STX8: variants seen among roughly 807,000 people sequenced by gnomAD.
The protein encoded by STX8 is syntaxin-8.
In STX8, 23 loss-of-function variants were observed where a neutral mutation model predicts 37.5. The observed-to-expected ratio is 0.61, with a 90% CI of 0.44 to 0.87. The LOEUF is 0.87. Ranked by LOEUF, STX8 falls within the 40% of genes least tolerant of loss-of-function variation. STX8 has a pLI of 0.00. For synonymous variants in STX8, 115 were observed against 99.1 expected (o/e 1.16, Z -0.95); for missense variants, 313 against 284.7 (o/e 1.10, Z -0.71).
intron 4 of STX8, among the ~76,000 whole-genome samples, chr17:9,514,231 G>A (rs1057125727): frequency 3.3e-5 from 5 of 152,166 alleles, no homozygotes; most frequent in Admixed American, 1.3e-4. Context: ...TAATTATCCT[G>A]ACTGGCTCAT....
chr17:9,392,838 G>C (rs1912270830), intron 6 of STX8, among the ~76,000 whole-genome samples: 2 of 152,138 alleles, frequency 1.3e-5, no homozygotes, highest in South Asian at 4.1e-4. Flanking sequence ...AAAATGAATA[G>C]AGCCTCAAGG....
intron 7 of STX8, among the ~76,000 whole-genome samples, chr17:9,361,066 G>A (rs181747514): frequency 6.6e-6 from 1 of 152,244 alleles, no homozygotes; most frequent in Non-Finnish European, 1.5e-5. Flanking sequence ...TTATTCTAAG[G>A]AATTTAACGC....
chr17:9,535,289 G>T (rs993377552), intron 4 of STX8, among the ~76,000 whole-genome samples: 3 of 151,844 alleles, frequency 2.0e-5, no homozygotes, highest in Non-Finnish European at 4.4e-5. Context: ...AACTTTCTTT[G>T]GGAAAGACTG....
At chr17:9,417,903 T>C (rs1183216187) in intron 6 of STX8, among the ~76,000 whole-genome samples, 1 of 152,204 alleles carries the variant, frequency 6.6e-6, no homozygotes, top group East Asian at 1.9e-4. Context: ...GGAGCTCCTG[T>C]GCTGGGGACA....
At position 9,445,842 on chromosome 17, in the gene STX8, T is replaced by C. The variant is rs942177467; in HGVS notation, c.541+45987A>G. ...TATACATTTTTTTCTTTTTTTCTCT[T>C]TTTTTTTTTTTTTGAGACAGAGTCT... On this transcript the variant is annotated intron_variant, in intron 6 of 7. Transcript: ENST00000306357. Among the ~76,000 whole-genome samples the C allele has an allele frequency of 5.5e-5, 8 of 146,108 alleles. No individual in the cohort carries two copies. In the East Asian group the frequency reaches 5.9e-4, roughly 11 times the overall value.
chr17:9,290,197 C>T (rs555792521), intron 7 of STX8, among the ~76,000 whole-genome samples: 6 of 152,228 alleles, frequency 3.9e-5, no homozygotes, highest in Admixed American at 2.6e-4. Flanking sequence ...GAAGGTGAAA[C>T]AGGTGACTCT....
intron 7 of STX8, among the ~76,000 whole-genome samples, chr17:9,372,740 T>C (rs1911451300): frequency 6.7e-6 from 1 of 149,620 alleles, no homozygotes; most frequent in African/African-American, 2.4e-5. Flanking sequence ...CCTCCCAAAG[T>C]GCTGGGATTA....
At chr17:9,274,213 C>T (rs1381091897) in intron 7 of STX8, among the ~76,000 whole-genome samples, 1 of 152,118 alleles carries the variant, frequency 6.6e-6, no homozygotes, top group Non-Finnish European at 1.5e-5. Context: ...CCTTCCTGCC[C>T]AGATCTGTTA....
chr17:9,277,479 G>A (rs1031932444), intron 7 of STX8, among the ~76,000 whole-genome samples: 10 of 152,006 alleles, frequency 6.6e-5, no homozygotes, highest in African/African-American at 2.4e-4. Flanking sequence ...GCCTCCATCT[G>A]CTTCTACCCA....
chr17:9,539,640 A>C (rs922932747), intron 4 of STX8, among the ~76,000 whole-genome samples: 1 of 151,370 alleles, frequency 6.6e-6, no homozygotes, highest in Non-Finnish European at 1.5e-5. Flanking sequence ...CTCCACTCAC[A>C]AAGTGACAAA....
At chr17:9,492,901 C>G (rs925827460) in intron 5 of STX8, among the ~76,000 whole-genome samples, 2 of 152,100 alleles carry the variant, frequency 1.3e-5, no homozygotes, top group Non-Finnish European at 2.9e-5. Context: ...CGAGACCATC[C>G]TGGCTAACAA....
At chr17:9,349,930 TCTGA>T (rs774523790) in intron 7 of STX8, among the ~76,000 whole-genome samples, 18 of 151,906 alleles carry the variant, frequency 1.2e-4, no homozygotes, top group Non-Finnish European at 2.5e-4. Context: ...AGAGATGGGG[TCTGA>T]CTATGTTGAC....
At chr17:9,336,401 T>C (rs1429321389) in intron 7 of STX8, among the ~76,000 whole-genome samples, 1 of 151,740 alleles carries the variant, frequency 6.6e-6, no homozygotes, top group Non-Finnish European at 1.5e-5. Flanking sequence ...CCCCTTCCCC[T>C]TCCTCCCTTC....
At chr17:9,420,306 C>T (rs906876699) in intron 6 of STX8, among the ~76,000 whole-genome samples, 3 of 152,240 alleles carry the variant, frequency 2.0e-5, no homozygotes, top group African/African-American at 7.2e-5. Flanking sequence ...AAGCCCGTGG[C>T]TCCACAGCCA....
At chr17:9,463,556 G>A (rs977709845) in intron 6 of STX8, among the ~76,000 whole-genome samples, 17 of 152,126 alleles carry the variant, frequency 1.1e-4, no homozygotes, top group African/African-American at 3.9e-4. Flanking sequence ...CTTGAGGTCA[G>A]GAGTTGGAGA....
At chr17:9,251,033 G>A (rs1335693447) in intron 7 of STX8, among the ~76,000 whole-genome samples, 1 of 152,196 alleles carries the variant, frequency 6.6e-6, no homozygotes, top group East Asian at 1.9e-4. Flanking sequence ...GGGCTTAGGA[G>A]AGCATTCTAG....
chr17:9,479,921 G>A (rs1389780647), intron 6 of STX8, among the ~76,000 whole-genome samples: 1 of 152,130 alleles, frequency 6.6e-6, no homozygotes, highest in Non-Finnish European at 1.5e-5. Context: ...TCTCAACCAT[G>A]TTACGCTCCT....
intron 7 of STX8, among the ~76,000 whole-genome samples, chr17:9,336,962 C>A (rs1170944366): frequency 6.6e-6 from 1 of 152,088 alleles, no homozygotes; most frequent in Admixed American, 6.6e-5. Flanking sequence ...TCCAATCATT[C>A]CCTGGAAAAT....
chr17:9,326,312 G>A (rs1383119247), intron 7 of STX8, among the ~76,000 whole-genome samples: 2 of 152,002 alleles, frequency 1.3e-5, no homozygotes, highest in African/African-American at 2.4e-5. Flanking sequence ...TGTAGAGACA[G>A]GGTTTCACCG....
Sources: gnomAD v4.1 joint callset for allele counts (sites outside exome capture counted in the v4.1 genomes callset) on GRCh38, gnomAD v4.1.1 for gene constraint, MANE v1.5 for transcripts, NCBI Gene and HGNC (gene_info 2026-07-23, HGNC 2026-07-21) for gene names.